Variants in ZNF536 observed in about 807,000 individuals in gnomAD.
ZNF536 encodes the protein zinc finger protein 536.
In ZNF536, 13 loss-of-function variants were observed where a neutral mutation model predicts 84.5. That is an observed-to-expected ratio of 0.15 (90% CI 0.10 to 0.24). The LOEUF is 0.24. Among genes scored for constraint, ZNF536 ranks in the 10% least tolerant of loss-of-function variants. The pLI is 1.00. For missense variants in ZNF536, 1,536 were observed against 1,747.5 expected, an observed-to-expected ratio of 0.88 and a Z score of 2.16; for synonymous variants, 811 against 742.5, an observed-to-expected ratio of 1.09 and a Z score of -1.50.
At chr19:30,297,391 C>T (rs760982803) in intron 2 of ZNF536, among the ~76,000 whole-genome samples, 4 of 152,048 alleles carry the variant, frequency 2.6e-5, no homozygotes, top group Non-Finnish European at 5.9e-5. Flanking sequence ...TAATGGCCCA[C>T]GTTTGATCTT....
intron 1 of ZNF536, among the ~76,000 whole-genome samples, chr19:30,700,014 TCTTA>T (rs1360695534): frequency 3.3e-5 from 5 of 152,036 alleles, no homozygotes; most frequent in South Asian, 2.1e-4. Context: ...TTTCTTTCTT[TCTTA>T]CTTTCTTTCT....
intron 1 of ZNF536, among the ~76,000 whole-genome samples, chr19:30,690,170 C>A (rs1482474657): frequency 6.6e-6 from 1 of 152,174 alleles, no homozygotes; most frequent in Non-Finnish European, 1.5e-5. Flanking sequence ...ACTTACTGGG[C>A]GCACGGCTTT....
At chr19:30,564,631 G>C (rs2046287233) in intron 1 of ZNF536, among the ~76,000 whole-genome samples, 1 of 152,132 alleles carries the variant, frequency 6.6e-6, no homozygotes, top group African/African-American at 2.4e-5. Context: ...GCAGCCCCTG[G>C]CGCTCGGGCT....
chr19:30,466,418 G>T (rs908602478), intron 2 of ZNF536, among the ~76,000 whole-genome samples: 1 of 150,708 alleles, frequency 6.6e-6, no homozygotes, highest in African/African-American at 2.4e-5. Flanking sequence ...ACAAAAATCA[G>T]CTGGGTGTGA....
At chr19:30,709,471 A>G (rs890536790) in intron 1 of ZNF536, among the ~76,000 whole-genome samples, 1 of 152,128 alleles carries the variant, frequency 6.6e-6, no homozygotes. Context: ...GCTCAACAAT[A>G]AAGAGTCAAC....
chr19:30,289,280 A>G (rs910086598), intron 2 of ZNF536, among the ~76,000 whole-genome samples: 1 of 152,238 alleles, frequency 6.6e-6, no homozygotes, highest in African/African-American at 2.4e-5. Flanking sequence ...ACTGAAATTT[A>G]ATGTTTTGTT....
At chr19:30,649,782 G>C (rs2049628306) in intron 1 of ZNF536, among the ~76,000 whole-genome samples, 1 of 151,666 alleles carries the variant, frequency 6.6e-6, no homozygotes, top group African/African-American at 2.4e-5. Flanking sequence ...ATTTAGAAGG[G>C]GGCTGACTGG....
chr19:30,655,444 G>T lies in ZNF536; in HGVS notation c.170-55313G>T, dbSNP rs1236921983. On this transcript the variant is annotated intron_variant, in intron 1 of 1. Coordinates refer to the ZNF536 transcript ENST00000592773. Reference sequence around the variant, plus strand: ...TACTGAGAACCCAGCATGCTGATTGGTATAGGGAGCTGGAAGTCATTGAAT... The same window carrying T: ...TACTGAGAACCCAGCATGCTGATTGTTATAGGGAGCTGGAAGTCATTGAAT... Among the ~76,000 whole-genome samples, 3 of 152,214 alleles carry T rather than the reference G, an allele frequency of 2.0e-5. No individual in the cohort carries two copies. The East Asian group carries it at 5.8e-4, about 29-fold the overall frequency.
chr19:30,307,853 C>T (rs1452872727), intron 2 of ZNF536, among the ~76,000 whole-genome samples: 4 of 152,158 alleles, frequency 2.6e-5, no homozygotes, highest in Non-Finnish European at 2.9e-5. Context: ...CTCTTCTTAC[C>T]CAGAAAGCAG....
At chr19:30,624,653 T>C (rs1385960030) in intron 1 of ZNF536, among the ~76,000 whole-genome samples, 1 of 152,160 alleles carries the variant, frequency 6.6e-6, no homozygotes, top group African/African-American at 2.4e-5. Context: ...CTACAGAAGC[T>C]TGGGTTTGTT....
intron 1 of ZNF536, among the ~76,000 whole-genome samples, chr19:30,589,708 G>C (rs1405173058): frequency 6.6e-6 from 1 of 152,162 alleles, no homozygotes; most frequent in Non-Finnish European, 1.5e-5. Context: ...GCTGGGCTTA[G>C]AGTCCACCCA....
chr19:30,581,302 CTCTT>C (rs1256180601), intron 1 of ZNF536, among the ~76,000 whole-genome samples: 2 of 152,072 alleles, frequency 1.3e-5, no homozygotes, highest in Non-Finnish European at 2.9e-5. Flanking sequence ...CACAGTGAAA[CTCTT>C]TCTCTACTAA....
intron 1 of ZNF536, among the ~76,000 whole-genome samples, chr19:30,394,721 C>T (rs1460411216): frequency 1.3e-5 from 2 of 152,166 alleles, no homozygotes; most frequent in East Asian, 3.9e-4. Context: ...AGTTCAGCCT[C>T]ACCTTTCCAA....
intron 2 of ZNF536, among the ~76,000 whole-genome samples, chr19:30,465,369 T>G (rs569375459): frequency 6.6e-6 from 1 of 152,296 alleles, no homozygotes; most frequent in East Asian, 1.9e-4. Context: ...CTGAAGATGT[T>G]TCTCTGTAGG....
chr19:30,491,446 G>A (rs2054505465), intron 2 of ZNF536, among the ~76,000 whole-genome samples: 1 of 152,102 alleles, frequency 6.6e-6, no homozygotes, highest in Non-Finnish European at 1.5e-5. Context: ...CAGTTATCAG[G>A]TCGATACATG....
At chr19:30,623,896 G>A (rs969549178) in intron 1 of ZNF536, among the ~76,000 whole-genome samples, 1 of 152,198 alleles carries the variant, frequency 6.6e-6, no homozygotes, top group African/African-American at 2.4e-5. Flanking sequence ...ATAAATGAAT[G>A]AGTGAATGAC....
rs181777263 is a variant in ZNF536, at chr19:30,530,164, G to A, written c.2171-4683G>A. On this transcript the variant is annotated intron_variant, in intron 2 of 4. Transcript: ENST00000355537. Reference sequence around the variant, plus strand: ...GAGGCTGACCTCTGTCCACATGTCTGCCTTCAGTCTACCCAGCACATTAGA... The same window carrying A: ...GAGGCTGACCTCTGTCCACATGTCTACCTTCAGTCTACCCAGCACATTAGA... Among the ~76,000 whole-genome samples, 1,075 of 152,334 alleles carry A rather than the reference G, an allele frequency of 7.1e-3. 11 individuals carry two copies. The highest frequency in any genetic ancestry group is 0.024 in the African/African-American group (1,007 of 41,574).
intron 2 of ZNF536, among the ~76,000 whole-genome samples, chr19:30,495,986 A>C (rs146365564): frequency 1.3e-5 from 2 of 152,352 alleles, no homozygotes; most frequent in African/African-American, 4.8e-5. Flanking sequence ...CTTGTACTGC[A>C]ACAGCCTCCA....
chr19:30,383,553 T>C (rs2049107655), intron 1 of ZNF536, among the ~76,000 whole-genome samples: 1 of 151,692 alleles, frequency 6.6e-6, no homozygotes. Context: ...CAGGGCCTGC[T>C]ACTCACTTAC....
Sources: allele counts gnomAD v4.1 joint callset (sites outside exome capture counted in the v4.1 genomes callset), GRCh38; gene constraint gnomAD v4.1.1; transcripts MANE v1.5; gene names NCBI Gene and HGNC (gene_info 2026-07-23, HGNC 2026-07-21).